Variants in PCYT1B observed in about 807,000 individuals in gnomAD.
PCYT1B encodes the protein choline-phosphate cytidylyltransferase B.
Under a neutral mutation model 26.4 loss-of-function variants are expected in PCYT1B, and 10 were observed. The observed-to-expected ratio is 0.38, with a 90% CI of 0.23 to 0.64. The LOEUF is 0.64. Ranked by LOEUF, PCYT1B falls within the 30% of genes least tolerant of loss-of-function variation. The probability of loss-of-function intolerance (pLI) is 0.56; values close to 1 mark genes in which losing one functional copy is unlikely to be tolerated. For synonymous variants in PCYT1B, 131 were observed against 108.4 expected (o/e 1.21, Z -1.29); for missense variants, 161 against 292.7 (o/e 0.55, Z 3.28).
intron 1 of PCYT1B, among the ~76,000 whole-genome samples, chrX:24,629,130 A>T (rs1038461335): frequency 5.3e-5 from 6 of 112,310 alleles, no homozygotes; most frequent in South Asian, 7.3e-4. Context: ...ACATTTTTCA[A>T]ATGTTTATTG....
intron 1 of PCYT1B, among the ~76,000 whole-genome samples, chrX:24,622,285 C>G (rs1435499174): frequency 8.9e-6 from 1 of 111,868 alleles, no homozygotes; most frequent in Non-Finnish European, 1.9e-5. Flanking sequence ...CAGCTACTAC[C>G]AACCAGCCCG....
intron 7 of PCYT1B, 38 bp downstream of exon 7, chrX:24,575,092 C>T (rs370940784): frequency 3.3e-5 from 36 of 1,074,787 alleles, no homozygotes; most frequent in Non-Finnish European, 4.3e-5. Flanking sequence ...AAACTGAAAA[C>T]ACTCATCATT....
chrX:24,606,438 G>T (rs1925137879), intron 3 of PCYT1B, among the ~76,000 whole-genome samples: 1 of 112,242 alleles, frequency 8.9e-6, no homozygotes, highest in East Asian at 2.8e-4. Context: ...CCTGTTTTGG[G>T]TTCCCTCTGC....
exon 1 of PCYT1B, chrX:24,672,660 T>G: frequency 9.0e-7 from 1 of 1,115,546 alleles, no homozygotes; most frequent in Non-Finnish European, 1.2e-6. Flanking sequence ...TTATCTTCTC[T>G]AGAGGCCTCT....
chrX:24,654,548 C>T (rs1462686163), intron 1 of PCYT1B, among the ~76,000 whole-genome samples: 1 of 103,464 alleles, frequency 9.7e-6, no homozygotes, highest in Non-Finnish European at 2.0e-5. Context: ...CCCAGGAGTT[C>T]GAGACCAGAC....
chrX:24,609,955 T>C lies in PCYT1B; in HGVS notation c.218-2094A>G, dbSNP rs140300554. Among the ~76,000 whole-genome samples, 328 of 110,233 alleles carry C rather than the reference T, an allele frequency of 3.0e-3. 1 individual carries two copies. Among genetic ancestry groups the C allele is most frequent in the African/African-American group, 9.8e-3 (298 of 30,344 alleles). ...TAAAAATACAAAAATTAGCCAGATA[T>C]GGTGGTAGGCGCCTGCAATACTAGC... is the stretch of plus-strand genomic sequence containing the variant. On this transcript the variant is annotated intron_variant, in intron 2 of 7. Coordinates refer to ENST00000379144, the MANE Select transcript of PCYT1B (RefSeq NM_004845.5).
rs766652732 is a variant in PCYT1B at position 24,570,379 on chromosome X, G to A, written c.897+4751C>T. Among the ~76,000 whole-genome samples, 14 of 107,028 alleles carry A rather than the reference G, an allele frequency of 1.3e-4. No homozygotes were observed. The South Asian group carries it at 4.9e-3, about 37-fold the overall frequency. 92.9% of individuals were successfully genotyped at this position (107,028 alleles called of 115,157 possible). A position where few individuals can be genotyped will look rare whatever the true frequency, so the allele number is the denominator to read the frequency against. On this transcript the variant is annotated intron_variant, in intron 7 of 7. Coordinates refer to ENST00000379144, the MANE Select transcript of PCYT1B (RefSeq NM_004845.5). ...AGTGATTCTCCTGCCTCAGCCTCCCGAGTAGCTGGGATTACAGCCGTGTAC... is the reference window on the plus strand; with the variant it reads ...AGTGATTCTCCTGCCTCAGCCTCCCAAGTAGCTGGGATTACAGCCGTGTAC...
intron 1 of PCYT1B, among the ~76,000 whole-genome samples, chrX:24,635,129 T>C (rs1324327025): frequency 8.9e-6 from 1 of 112,467 alleles, no homozygotes; most frequent in East Asian, 2.8e-4. Context: ...TTGTGAGTCA[T>C]GTGATACTCA....
chrX:24,600,783 C>T (rs1486676909), intron 3 of PCYT1B, among the ~76,000 whole-genome samples: 1 of 110,646 alleles, frequency 9.0e-6, no homozygotes, highest in East Asian at 2.8e-4. Flanking sequence ...GTGGTATTGG[C>T]AAAAAGAACA....
chrX:24,648,840 G>T (rs1602207736), upstream of PCYT1B, among the ~76,000 whole-genome samples: 1 of 110,942 alleles, frequency 9.0e-6, no homozygotes, highest in African/African-American at 3.3e-5. Flanking sequence ...TAAAAATACC[G>T]GGCTTGCCTC....
chrX:24,614,420 G>A (rs1189500575), intron 2 of PCYT1B, among the ~76,000 whole-genome samples: 1 of 111,981 alleles, frequency 8.9e-6, no homozygotes, highest in East Asian at 2.8e-4. Context: ...TCTAGGCCAG[G>A]CACAGTGGCT....
In PCYT1B at chrX:24,562,291, C is replaced by A; in HGVS notation, c.*2G>T. ...GGTGCGGCTCTTGCCTCCCAGCAGCCTCTACTTTTCATCCTCATCCCCCTC... is the reference window on the plus strand; with the variant it reads ...GGTGCGGCTCTTGCCTCCCAGCAGCATCTACTTTTCATCCTCATCCCCCTC... On this transcript the variant is annotated 3_prime_UTR_variant, in exon 8 of 8. Coordinates refer to ENST00000379144, the MANE Select transcript of PCYT1B (RefSeq NM_004845.5). The A allele has an allele frequency of 8.7e-7, 1 of 1,154,543 alleles. No individual in the cohort carries two copies. Among genetic ancestry groups the A allele is most frequent in the South Asian group, 2.1e-5 (1 of 47,717 alleles).
chrX:24,648,186 C>T (rs1405942421), upstream of PCYT1B, among the ~76,000 whole-genome samples: 1 of 111,554 alleles, frequency 9.0e-6, no homozygotes, highest in African/African-American at 3.3e-5. Flanking sequence ...TATCTAGGGA[C>T]ATTCACATTT....
chrX:24,630,985 C>T (rs1054017948), intron 1 of PCYT1B, among the ~76,000 whole-genome samples: 3 of 111,373 alleles, frequency 2.7e-5, no homozygotes, highest in South Asian at 3.9e-4. Flanking sequence ...TGCAGTGGCG[C>T]GATCTCAGCT....
In PCYT1B at chrX:24,564,765, C is replaced by G. The variant is rs1354120313; in HGVS notation, c.898-2260G>C. Among the ~76,000 whole-genome samples the G allele has an allele frequency of 2.7e-5, 3 of 111,316 alleles. No individual in the cohort carries two copies. The East Asian group carries it at 8.5e-4, about 32-fold the overall frequency. ...CATGACCCTTTGGAGTCTCCCCTCC[C>G]CCAGCCACTGGCAACAGATGTGTTT... On this transcript the variant is annotated intron_variant, in intron 7 of 7. Coordinates refer to ENST00000379144, the MANE Select transcript of PCYT1B (RefSeq NM_004845.5).
chrX:24,575,572 T>C (rs1923988358), intron 6 of PCYT1B, among the ~76,000 whole-genome samples: 2 of 112,342 alleles, frequency 1.8e-5, no homozygotes, highest in Non-Finnish European at 3.8e-5. Context: ...TTCTTTTAAA[T>C]GTCTTTGAGT....
intron 4 of PCYT1B, 60 bp from the exon 5 acceptor site, chrX:24,587,379 T>C (rs1924403169): frequency 1.3e-6 from 1 of 767,584 alleles, no homozygotes; most frequent in Admixed American, 2.3e-5. Context: ...TCTGCAGATT[T>C]GAAGGGGGGA....
intron 1 of PCYT1B, among the ~76,000 whole-genome samples, chrX:24,629,484 G>A (rs768347966): frequency 9.4e-5 from 9 of 95,708 alleles, no homozygotes; most frequent in Admixed American, 1.3e-4. Context: ...CTTGGTCCCC[G>A]GAGGTCAAGC....
intron 1 of PCYT1B, among the ~76,000 whole-genome samples, chrX:24,643,711 T>A (rs758042390): frequency 9.8e-5 from 11 of 112,260 alleles, no homozygotes; most frequent in Non-Finnish European, 1.5e-4. Flanking sequence ...ATCTGCAATA[T>A]TATTATCAAT....
Sources: gnomAD v4.1 joint callset for allele counts (sites outside exome capture counted in the v4.1 genomes callset) on GRCh38, gnomAD v4.1.1 for gene constraint, MANE v1.5 for transcripts, NCBI Gene and HGNC (gene_info 2026-07-23, HGNC 2026-07-21) for gene names.